The following DLGAP1 variants were observed in gnomAD, a reference collection of about 807,000 sequenced individuals.
DLGAP1 encodes disks large-associated protein 1.
Under a neutral mutation model 90.8 loss-of-function variants are expected in DLGAP1, and 11 were observed. The ratio of observed to expected loss-of-function variants is 0.12; its 90% CI spans 0.08 to 0.20. The LOEUF is 0.20. Among genes scored for constraint, DLGAP1 ranks in the 10% least tolerant of loss-of-function variants. DLGAP1 has a pLI of 1.00. For synonymous variants in DLGAP1, 558 were observed against 540.7 expected (o/e 1.03, Z -0.44); for missense variants, 1,050 against 1,333.8 (o/e 0.79, Z 3.31).
At chr18:4,314,859 C>A (rs1429932801) in intron 1 of DLGAP1, among the ~76,000 whole-genome samples, 1 of 152,074 alleles carries the variant, frequency 6.6e-6, no homozygotes, top group Non-Finnish European at 1.5e-5. Flanking sequence ...AAGTGAAATA[C>A]CCAGAGCCTA....
intron 1 of DLGAP1, among the ~76,000 whole-genome samples, chr18:4,285,235 A>G (rs543080378): frequency 6.6e-6 from 1 of 152,314 alleles, no homozygotes; most frequent in South Asian, 2.1e-4. Context: ...CACCCAGAGA[A>G]AAGTTCACTA....
chr18:3,501,094 T>C (rs2049906150), intron 12 of DLGAP1, among the ~76,000 whole-genome samples: 2 of 151,868 alleles, frequency 1.3e-5, no homozygotes. Flanking sequence ...TTTGTACTTT[T>C]TGTAGAGACG....
intron 1 of DLGAP1, among the ~76,000 whole-genome samples, chr18:4,334,444 G>A (rs2081025338): frequency 6.6e-6 from 1 of 151,784 alleles, no homozygotes; most frequent in Admixed American, 6.6e-5. Flanking sequence ...TTTCCTTCCT[G>A]GTACTGCAGA....
intron 5 of DLGAP1, among the ~76,000 whole-genome samples, chr18:3,783,218 A>G (rs2065280028): frequency 6.6e-6 from 1 of 152,224 alleles, no homozygotes; most frequent in Non-Finnish European, 1.5e-5. Flanking sequence ...AAAAGGGTAC[A>G]GCCACTTTGG....
chr18:4,073,358 A>G (rs2075477942), intron 2 of DLGAP1, among the ~76,000 whole-genome samples: 1 of 152,216 alleles, frequency 6.6e-6, no homozygotes, highest in African/African-American at 2.4e-5. Flanking sequence ...TTTATCTAAG[A>G]GGAAAATGGA....
intron 8 of DLGAP1, among the ~76,000 whole-genome samples, chr18:3,572,140 G>A (rs1315248231): frequency 4.1e-5 from 6 of 145,436 alleles, no homozygotes; most frequent in Non-Finnish European, 7.5e-5. Context: ...GTGCAATGGC[G>A]CGATCTCGGC....
intron 7 of DLGAP1, among the ~76,000 whole-genome samples, chr18:3,651,972 C>CA (rs1567901807): frequency 1.4e-5 from 2 of 147,514 alleles, no homozygotes; most frequent in African/African-American, 5.0e-5. Context: ...CTGTCTCAAA[C>CA]ACAACAACAA....
At chr18:4,310,928 G>C (rs766136502) in intron 1 of DLGAP1, among the ~76,000 whole-genome samples, 2 of 152,080 alleles carry the variant, frequency 1.3e-5, no homozygotes, top group African/African-American at 4.8e-5. Flanking sequence ...ACAGAACACC[G>C]TAGGTGCCTT....
intron 2 of DLGAP1, among the ~76,000 whole-genome samples, chr18:4,124,515 G>A (rs952117757): frequency 9.2e-5 from 14 of 152,176 alleles, no homozygotes; most frequent in East Asian, 7.7e-4. Flanking sequence ...CGTAAGATAC[G>A]GAACAGCTTT....
At chr18:4,299,941 C>T (rs1035961127) in intron 1 of DLGAP1, among the ~76,000 whole-genome samples, 1 of 152,124 alleles carries the variant, frequency 6.6e-6, no homozygotes, top group African/African-American at 2.4e-5. Flanking sequence ...TCTGTAAATT[C>T]ATACTTTCAA....
chr18:3,876,301 A>T (rs1297621631), intron 4 of DLGAP1, among the ~76,000 whole-genome samples: 2 of 152,082 alleles, frequency 1.3e-5, no homozygotes, highest in Non-Finnish European at 2.9e-5. Context: ...TCTTTACAGC[A>T]TCTCTTCAGC....
chr18:3,803,848 T>C (rs2066428262), intron 5 of DLGAP1, among the ~76,000 whole-genome samples: 1 of 151,650 alleles, frequency 6.6e-6, no homozygotes, highest in South Asian at 2.1e-4. Context: ...ACTAAAAACA[T>C]TTGATGACTG....
intron 1 of DLGAP1, among the ~76,000 whole-genome samples, chr18:4,401,967 G>A (rs886569255): frequency 6.6e-6 from 1 of 152,204 alleles, no homozygotes; most frequent in Non-Finnish European, 1.5e-5. Context: ...CAAGGGCCCA[G>A]CAATCTATAT....
chr18:3,856,534 C>T (rs890439377), intron 4 of DLGAP1, among the ~76,000 whole-genome samples: 1 of 151,950 alleles, frequency 6.6e-6, no homozygotes, highest in African/African-American at 2.4e-5. Flanking sequence ...ACAGAAGAAA[C>T]CTATTACTAA....
rs372714541 is a variant in DLGAP1 at position 3,880,103 on chromosome 18, C to G, written c.-35G>C. 1.3e-6 allele frequency: 2 copies of G among 1,587,664 alleles called. No individual in the cohort carries two copies. Among genetic ancestry groups the G allele is most frequent in the Non-Finnish European group, 1.7e-6 (2 of 1,172,006 alleles). On this transcript the variant is annotated 5_prime_UTR_variant, in exon 4 of 13. Transcript: ENST00000315677. ...GAAGCAGCCGCCAGGGTCATGGACACCCGGAAGTCAGGCTCCAGACCCGTC... is the reference window on the plus strand; with the variant it reads ...GAAGCAGCCGCCAGGGTCATGGACAGCCGGAAGTCAGGCTCCAGACCCGTC...
intron 1 of DLGAP1, among the ~76,000 whole-genome samples, chr18:4,424,613 T>C (rs2083111417): frequency 6.6e-6 from 1 of 152,208 alleles, no homozygotes; most frequent in Non-Finnish European, 1.5e-5. Flanking sequence ...TAAAACCATC[T>C]GGGAATGCCT....
chr18:4,173,892 C>T (rs2077063125), intron 1 of DLGAP1, among the ~76,000 whole-genome samples: 1 of 152,182 alleles, frequency 6.6e-6, no homozygotes. Context: ...TGGATCCACT[C>T]ATGGTTTCTA....
At chr18:3,905,585 G>A (rs949942147) in intron 3 of DLGAP1, among the ~76,000 whole-genome samples, 1 of 152,014 alleles carries the variant, frequency 6.6e-6, no homozygotes, top group Non-Finnish European at 1.5e-5. Flanking sequence ...CTTAGTTCAA[G>A]GTTTTGCCTT....
rs1205833343 is a variant in DLGAP1, at chr18:4,289,989, A to AC, written c.-266-138703_-266-138702insG. On this transcript the variant is annotated intron_variant, in intron 1 of 12. Coordinates refer to ENST00000315677, the MANE Select transcript of DLGAP1 (RefSeq NM_004746.4). ...TTGAAAAGCATATTCTGGTTTTCTTAGTTTGTTCTTATGTAACATTCTATG... is the reference window on the plus strand; with the variant it reads ...TTGAAAAGCATATTCTGGTTTTCTTACGTTTGTTCTTATGTAACATTCTATG... Among the ~76,000 whole-genome samples, 3 of 152,210 alleles carry AC rather than the reference A, an allele frequency of 2.0e-5. No homozygotes were observed. In the East Asian group the frequency reaches 5.8e-4, roughly 29 times the overall value.
Sources: gnomAD v4.1 joint callset for allele counts (sites outside exome capture counted in the v4.1 genomes callset) on GRCh38, gnomAD v4.1.1 for gene constraint, MANE v1.5 for transcripts, NCBI Gene and HGNC (gene_info 2026-07-23, HGNC 2026-07-21) for gene names.